JAZF1: variants seen among roughly 807,000 people sequenced by gnomAD.
The protein encoded by JAZF1 is JAZF zinc finger 1.
In JAZF1, 8 loss-of-function variants were observed where a neutral mutation model predicts 26.4. The ratio of observed to expected loss-of-function variants is 0.30; its 90% confidence interval spans 0.18 to 0.55. JAZF1 has a LOEUF of 0.55. JAZF1 is among the 20% of genes least tolerant of loss of function. JAZF1 has a pLI of 0.94. For missense variants in JAZF1, 199 were observed against 322.0 expected (o/e 0.62, Z 2.92); for synonymous variants, 126 against 122.3 (o/e 1.03, Z -0.20).
chr7:27,911,831 C>G (rs1159977436), intron 2 of JAZF1, among the ~76,000 whole-genome samples: 1 of 152,066 alleles, frequency 6.6e-6, no homozygotes, highest in East Asian at 1.9e-4. Context: ...AGAAGAGAAA[C>G]TTGGGGAATA....
At chr7:27,986,819 C>G (rs1785724052) in intron 2 of JAZF1, among the ~76,000 whole-genome samples, 1 of 152,188 alleles carries the variant, frequency 6.6e-6, no homozygotes, top group Non-Finnish European at 1.5e-5. Flanking sequence ...CCATGCCTGA[C>G]TGGTTTTTGT....
chr7:28,038,815 G>T (rs1783339617), intron 1 of JAZF1, among the ~76,000 whole-genome samples: 1 of 152,126 alleles, frequency 6.6e-6, no homozygotes, highest in African/African-American at 2.4e-5. Context: ...CAAAAGATTT[G>T]CTGAACATAT....
At chr7:27,986,908 G>A (rs1009707161) in intron 2 of JAZF1, among the ~76,000 whole-genome samples, 1 of 152,134 alleles carries the variant, frequency 6.6e-6, no homozygotes, top group African/African-American at 2.4e-5. Flanking sequence ...CTGCCCGCCT[G>A]GGCCTCCCGA....
intron 2 of JAZF1, chr7:27,914,775 G>A (rs1309514169): frequency 2.1e-6 from 1 of 471,136 alleles, no homozygotes; most frequent in Non-Finnish European, 4.4e-6. Context: ...CAGTAGATCG[G>A]TTCAGCCTTG....
At chr7:27,980,299 G>A (rs1175056326) in intron 2 of JAZF1, among the ~76,000 whole-genome samples, 2 of 152,102 alleles carry the variant, frequency 1.3e-5, no homozygotes, top group Non-Finnish European at 2.9e-5. Flanking sequence ...TAGCATTGCA[G>A]CAGATTGGAC....
chr7:27,951,984 T>G (rs1454996461), intron 2 of JAZF1, among the ~76,000 whole-genome samples: 1 of 152,190 alleles, frequency 6.6e-6, no homozygotes, highest in African/African-American at 2.4e-5. Context: ...TTTGAGGAAC[T>G]GAGCCAACGC....
chr7:28,174,821 G>GGGGTGTGTGTGTGTGTGT (rs758961535), intron 1 of JAZF1, among the ~76,000 whole-genome samples: 4 of 107,690 alleles, frequency 3.7e-5, no homozygotes, highest in African/African-American at 1.1e-4. Flanking sequence ...GGGGTGTGTG[G>GGGGTGTGTGTGTGTGTGT]GTGTGTGTGT....
At chr7:27,892,687 A>G (rs189253614) in intron 3 of JAZF1, among the ~76,000 whole-genome samples, 1 of 152,330 alleles carries the variant, frequency 6.6e-6, no homozygotes, top group Non-Finnish European at 1.5e-5. Context: ...TAAATGTTAC[A>G]AAAAGATCCT....
At chr7:28,113,270 A>G (rs1043972147) in intron 1 of JAZF1, among the ~76,000 whole-genome samples, 2 of 152,232 alleles carry the variant, frequency 1.3e-5, no homozygotes, top group African/African-American at 2.4e-5. Flanking sequence ...TTTTACAAAC[A>G]GGACCAAGGA....
chr7:28,066,046 G>GT (rs1156629862), intron 1 of JAZF1, among the ~76,000 whole-genome samples: 1 of 152,138 alleles, frequency 6.6e-6, no homozygotes, highest in East Asian at 1.9e-4. Flanking sequence ...TGCTATCTCT[G>GT]TTTTTTGTTT....
At chr7:28,137,622 G>A (rs1182877858) in intron 1 of JAZF1, among the ~76,000 whole-genome samples, 1 of 152,050 alleles carries the variant, frequency 6.6e-6, no homozygotes, top group Non-Finnish European at 1.5e-5. Flanking sequence ...ATTCCTCTAC[G>A]TATCCCTGGG....
At chr7:28,035,351 A>G (rs1783272336) in intron 1 of JAZF1, among the ~76,000 whole-genome samples, 1 of 149,534 alleles carries the variant, frequency 6.7e-6, no homozygotes, top group Admixed American at 6.7e-5. Context: ...AAAGAAAGAA[A>G]GAAACAGGCC....
intron 1 of JAZF1, among the ~76,000 whole-genome samples, chr7:28,028,270 A>G (rs1009611735): frequency 1.3e-5 from 2 of 152,198 alleles, no homozygotes; most frequent in African/African-American, 4.8e-5. Flanking sequence ...GTAGGCTTGA[A>G]TAACTGTTCA....
intron 2 of JAZF1, among the ~76,000 whole-genome samples, chr7:27,899,236 G>A (rs1471498987): frequency 2.0e-5 from 3 of 152,234 alleles, no homozygotes; most frequent in Non-Finnish European, 2.9e-5. Flanking sequence ...AGAAGCCAAG[G>A]AGGCACAGCA....
chr7:28,043,900 T>C (rs1021512081), intron 1 of JAZF1, among the ~76,000 whole-genome samples: 6 of 152,120 alleles, frequency 3.9e-5, no homozygotes, highest in Non-Finnish European at 7.4e-5. Context: ...AGATATAGTA[T>C]GATTCAACTT....
intron 1 of JAZF1, among the ~76,000 whole-genome samples, chr7:28,077,594 A>G (rs1269438910): frequency 6.6e-6 from 1 of 152,152 alleles, no homozygotes; most frequent in East Asian, 1.9e-4. Context: ...AAAGTGGCAA[A>G]ATCCCAGTAG....
intron 1 of JAZF1, among the ~76,000 whole-genome samples, chr7:28,092,134 T>A (rs998443172): frequency 2.6e-5 from 4 of 151,894 alleles, no homozygotes; most frequent in Non-Finnish European, 5.9e-5. Context: ...CAATGTTGTA[T>A]TTGTGTATAT....
chr7:28,128,673 C>T (rs1782739481), intron 1 of JAZF1, among the ~76,000 whole-genome samples: 2 of 152,136 alleles, frequency 1.3e-5, no homozygotes, highest in Admixed American at 1.3e-4. Context: ...GCCAATTCAG[C>T]AAGAAGGTGT....
intron 1 of JAZF1, chr7:28,020,490 C>G (rs1289923297): frequency 2.3e-6 from 1 of 442,736 alleles, no homozygotes; most frequent in Non-Finnish European, 4.7e-6. Flanking sequence ...GGAGTTGAAG[C>G]CTATGACCCC....
Sources: allele counts gnomAD v4.1 joint callset (sites outside exome capture counted in the v4.1 genomes callset), GRCh38; gene constraint gnomAD v4.1.1; transcripts MANE v1.5; gene names NCBI Gene and HGNC (gene_info 2026-07-23, HGNC 2026-07-21).